The following RNF13 variants were observed in gnomAD, a reference collection of about 807,000 sequenced individuals.
RNF13 encodes the protein ring finger protein 13.
RNF13 carries 19 observed loss-of-function variants against 37.7 expected under a neutral mutation model. That is an observed-to-expected ratio of 0.50 (90% CI 0.35 to 0.74). The LOEUF (loss-of-function observed/expected upper bound fraction) is 0.74. RNF13 is among the 30% of genes least tolerant of loss of function. The probability of loss-of-function intolerance (pLI) is 0.01; values close to 1 mark genes in which losing one functional copy is unlikely to be tolerated. For synonymous variants in RNF13, 144 were observed against 157.8 expected (o/e 0.91, Z 0.65); for missense variants, 375 against 453.0 (o/e 0.83, Z 1.56).
chr3:149,937,095 T>G (rs2108570169), intron 8 of RNF13, among the ~76,000 whole-genome samples: 1 of 152,246 alleles, frequency 6.6e-6, no homozygotes, highest in East Asian at 1.9e-4. Flanking sequence ...CCACTGTCCC[T>G]CTGATTTGGC....
intron 2 of RNF13, among the ~76,000 whole-genome samples, chr3:149,848,461 ATG>A (rs1722844712): frequency 6.6e-6 from 1 of 152,224 alleles, no homozygotes; most frequent in Admixed American, 6.5e-5. Context: ...GAGGAACTGG[ATG>A]TGTGACAATC....
chr3:149,887,999 A>G (rs972672243), intron 4 of RNF13, among the ~76,000 whole-genome samples: 2 of 152,232 alleles, frequency 1.3e-5, no homozygotes, highest in Non-Finnish European at 2.9e-5. Context: ...TACTGAAGAC[A>G]TCATGAGTAA....
In RNF13 at chr3:149,884,813, C is replaced by A. The variant is rs140462640; in HGVS notation, c.322-10660C>A. On this transcript the variant is annotated intron_variant, in intron 4 of 9. Coordinates refer to ENST00000392894, the MANE Select transcript of RNF13 (RefSeq NM_183381.3). ...ACAATTAAATTATTAACTATAGTAA[C>A]CCTGTTGTGCTATCAAGTACTAGGT... is the stretch of plus-strand genomic sequence containing the variant. 3.9e-3 allele frequency among the ~76,000 whole-genome samples: 595 copies of A among 151,746 alleles called. 3 individuals carry two copies. Among genetic ancestry groups the A allele is most frequent in the African/African-American group, 0.014 (566 of 41,416 alleles).
chr3:149,852,061 T>C (rs1339825863), intron 2 of RNF13, among the ~76,000 whole-genome samples: 2 of 152,206 alleles, frequency 1.3e-5, no homozygotes, highest in Admixed American at 6.5e-5. Context: ...AAAATTGACA[T>C]GCCTTAAAAA....
intron 1 of RNF13, among the ~76,000 whole-genome samples, chr3:149,837,951 C>T (rs1721794060): frequency 6.6e-6 from 1 of 152,196 alleles, no homozygotes. Flanking sequence ...TCAGTCACTT[C>T]CTAGATACAA....
intron 6 of RNF13, among the ~76,000 whole-genome samples, chr3:149,906,806 C>T (rs1236727961): frequency 6.6e-6 from 1 of 151,826 alleles, no homozygotes; most frequent in East Asian, 1.9e-4. Context: ...CATGCACCAC[C>T]TTGCCCAGCT....
chr3:149,814,454 AGAAGTGTAGTGCAGTGCTGTAGTGCAG>A (rs1047342179), intron 1 of RNF13: 4 of 152,226 alleles, frequency 2.6e-5, no homozygotes, highest in Non-Finnish European at 5.9e-5. Flanking sequence ...ACAGGAGGTA[AGAAGTGTAGTGCAGTGCTGTAGTGCAG>A]GAAGTGTAGT....
chr3:149,835,281 A>T (rs1721479688), intron 1 of RNF13, among the ~76,000 whole-genome samples: 1 of 152,218 alleles, frequency 6.6e-6, no homozygotes, highest in East Asian at 1.9e-4. Context: ...GCTGTCTAGA[A>T]TATATAGAGA....
intron 5 of RNF13, among the ~76,000 whole-genome samples, chr3:149,896,483 AT>A (rs1329855973): frequency 0.019 from 2,744 of 142,928 alleles, 73 homozygotes; most frequent in African/African-American, 0.06. Flanking sequence ...CTTCTTCTTT[AT>A]TTTTTTTTTT....
chr3:149,903,515 A>T (rs77293505), intron 6 of RNF13, among the ~76,000 whole-genome samples: 2,010 of 152,118 alleles, frequency 0.013, 51 homozygotes, highest in African/African-American at 0.045. Flanking sequence ...GTTTTTCCCC[A>T]TATTTGCTTA....
At chr3:149,915,700 C>T (rs1184850057) in intron 7 of RNF13, among the ~76,000 whole-genome samples, 2 of 152,186 alleles carry the variant, frequency 1.3e-5, no homozygotes, top group African/African-American at 2.4e-5. Context: ...CATGCTACCA[C>T]ATAGATGAAA....
Position 149,960,126 on chromosome 3 carries a change from C to G in RNF13, c.771C>G (p.Pro257=), listed in dbSNP as rs763289821. ...YEDGDKLRIL[P]CSHAYHCKCV... is the part of the protein sequence containing the mutation. ...ATGGAGACAAACTCAGAATCCTTCCCTGTTCCCATGGTATGAGTAATTACG... is the reference window on the plus strand; with the variant it reads ...ATGGAGACAAACTCAGAATCCTTCCGTGTTCCCATGGTATGAGTAATTACG... The change falls in exon 9 of 10, where the codon CCC becomes CCG. Residue 257 remains proline (P), a synonymous_variant. Coordinates refer to ENST00000392894, the MANE Select transcript of RNF13 (RefSeq NM_183381.3). The G allele has an allele frequency of 3.7e-6, 6 of 1,603,314 alleles. No individual in the cohort carries two copies. The highest frequency in any genetic ancestry group is 5.1e-6 in the Non-Finnish European group (6 of 1,170,396).
chr3:149,855,268 G>A (rs1188995556), intron 3 of RNF13, among the ~76,000 whole-genome samples: 2 of 152,082 alleles, frequency 1.3e-5, no homozygotes, highest in Admixed American at 1.3e-4. Flanking sequence ...GCAGTGAGCC[G>A]CGATCAAGCC....
At chr3:149,868,983 T>C (rs987397345) in intron 3 of RNF13, among the ~76,000 whole-genome samples, 3 of 151,814 alleles carry the variant, frequency 2.0e-5, no homozygotes, top group Admixed American at 1.3e-4. Flanking sequence ...TTCTTAGAGT[T>C]AGTCTTTTGA....
intron 6 of RNF13, among the ~76,000 whole-genome samples, chr3:149,903,817 G>C (rs1716096309): frequency 6.6e-6 from 1 of 152,058 alleles, no homozygotes; most frequent in Admixed American, 6.6e-5. Flanking sequence ...ACTTCAAGTT[G>C]ACTGTCAAAT....
At chr3:149,925,416 T>C (rs1326634206) in intron 8 of RNF13, among the ~76,000 whole-genome samples, 2 of 152,196 alleles carry the variant, frequency 1.3e-5, no homozygotes, top group African/African-American at 4.8e-5. Flanking sequence ...TGGTTTATGA[T>C]AATTTCACTG....
At chr3:149,873,954 A>G (rs1234678864) in intron 4 of RNF13, among the ~76,000 whole-genome samples, 1 of 152,178 alleles carries the variant, frequency 6.6e-6, no homozygotes, top group Non-Finnish European at 1.5e-5. Context: ...GACTTATTAA[A>G]TGAAGCTGTG....
At chr3:149,869,382 G>C (rs1356970027) in intron 3 of RNF13, among the ~76,000 whole-genome samples, 5 of 151,632 alleles carry the variant, frequency 3.3e-5, no homozygotes, top group Admixed American at 2.0e-4. Flanking sequence ...GAGGCGGGCG[G>C]ATCACAAGGT....
Position 149,961,656 on chromosome 3 carries a change from G to T in RNF13, c.*552G>T. ...CCAAAGCAGTCTTATCCTGACAGGA[G>T]CGGTCTATACTAGTGCAGATTTCAA... is the stretch of plus-strand genomic sequence containing the variant. On this transcript the variant is annotated 3_prime_UTR_variant, in exon 10 of 10. Transcript: ENST00000392894. 1 of 267,346 alleles carries T rather than the reference G, an allele frequency of 3.7e-6. No homozygotes were observed. The allele number at this position is 267,346 out of a possible 1,614,324, so 16.6% of individuals were successfully genotyped here.
Sources: gnomAD v4.1 joint callset for allele counts (sites outside exome capture counted in the v4.1 genomes callset) on GRCh38, gnomAD v4.1.1 for gene constraint, MANE v1.5 for transcripts, NCBI Gene and HGNC (gene_info 2026-07-23, HGNC 2026-07-21) for gene names.